The following DICER1 variants were observed in gnomAD, a reference collection of about 807,000 sequenced individuals.
DICER1 encodes endoribonuclease Dicer.
A neutral mutation model predicts 194.1 loss-of-function variants in DICER1; 43 were observed. The ratio of observed to expected loss-of-function variants is 0.22; its 90% CI spans 0.17 to 0.29. The LOEUF (loss-of-function observed/expected upper bound fraction) is 0.29. Among genes scored for constraint, DICER1 ranks in the 10% least tolerant of loss-of-function variants. The probability of loss-of-function intolerance (pLI) is 1.00; values close to 1 mark genes in which losing one functional copy is unlikely to be tolerated. For missense variants in DICER1, 1,608 were observed against 2,317.0 expected, an observed-to-expected ratio of 0.69 and a Z score of 6.28; for synonymous variants, 832 against 820.5, an observed-to-expected ratio of 1.01 and a Z score of -0.24.
At chr14:95,131,686 A>T in intron 3 of DICER1, 47 bp from the exon 4 acceptor site, 2 of 1,574,968 alleles carry the variant, frequency 1.3e-6, no homozygotes, top group Non-Finnish European at 1.7e-6. Context: ...AATCTTGCCT[A>T]GTTGGCTCTC....
intron 7 of DICER1, among the ~76,000 whole-genome samples, chr14:95,125,773 G>A (rs1171688805): frequency 1.1e-5 from 1 of 93,176 alleles, no homozygotes; most frequent in African/African-American, 4.3e-5. Flanking sequence ...GGAGGGGAGG[G>A]GGAGGGAGGG....
intron 1 of DICER1, among the ~76,000 whole-genome samples, chr14:95,147,641 G>C (rs917635780): frequency 4.6e-5 from 7 of 152,172 alleles, no homozygotes; most frequent in African/African-American, 1.7e-4. Context: ...TTCTGCAGCG[G>C]ACACCAGCTG....
rs748693590 is a variant in DICER1 at position 95,090,454 on chromosome 14, ATT to A, written c.*42_*43del. Reference sequence around the variant, plus strand: ...TCCGATTTAAATAATTTTCCCCTTAATTTTTTTTGTTTTGTTTCTTGTTTTGA... The same window carrying A: ...TCCGATTTAAATAATTTTCCCCTTAATTTTTTGTTTTGTTTCTTGTTTTGA... On this transcript the variant is annotated 3_prime_UTR_variant, in exon 27 of 27. Coordinates refer to ENST00000343455, the MANE Select transcript of DICER1 (RefSeq NM_177438.3). 2 of 1,601,154 alleles carry A rather than the reference ATT, an allele frequency of 1.2e-6. No homozygotes were observed. The highest frequency in any genetic ancestry group is 4.5e-5 in the East Asian group (2 of 44,804).
At chr14:95,146,249 G>A (rs145382027) in intron 1 of DICER1, among the ~76,000 whole-genome samples, 108 of 152,322 alleles carry the variant, frequency 7.1e-4, no homozygotes, top group African/African-American at 2.5e-3. Context: ...TCCAGGGACC[G>A]GATTGAGAAC....
intron 7 of DICER1, among the ~76,000 whole-genome samples, chr14:95,125,184 G>A (rs1293918221): frequency 1.3e-5 from 2 of 152,082 alleles, no homozygotes; most frequent in African/African-American, 4.8e-5. Context: ...TAAAAACACT[G>A]CACAGCTGTC....
At chr14:95,110,018 T>C (rs1351319314) in intron 14 of DICER1, among the ~76,000 whole-genome samples, 1 of 152,250 alleles carries the variant, frequency 6.6e-6, no homozygotes, top group Admixed American at 6.5e-5. Context: ...CCTCACTTAA[T>C]GTCTTCGGCA....
chr14:95,103,716 T>A lies in DICER1; in HGVS notation c.3680A>T (p.Asn1227Ile). Reference sequence around the variant, plus strand: ...ACATTCATCGCTGGGCTGGGGCTGGTTCTCGTAACTGTATAAATTCTGAAT... The same window carrying A: ...ACATTCATCGCTGGGCTGGGGCTGGATCTCGTAACTGTATAAATTCTGAAT... ...YSIQNLYSYE[N>I]QPQPSDECTL... Residue 1227 changes from asparagine to isoleucine, a missense_variant, in exon 21 of 27, where the codon AAC (asparagine) becomes ATC (isoleucine). Coordinates refer to ENST00000343455, the MANE Select transcript of DICER1 (RefSeq NM_177438.3). The A allele has an allele frequency of 6.2e-7, 1 of 1,614,212 alleles. No individual in the cohort carries two copies. Among genetic ancestry groups the A allele is most frequent in the Non-Finnish European group, 8.5e-7 (1 of 1,180,030 alleles).
intron 14 of DICER1, among the ~76,000 whole-genome samples, chr14:95,110,870 T>C (rs1443893545): frequency 1.3e-5 from 2 of 152,154 alleles, no homozygotes; most frequent in African/African-American, 4.8e-5. Flanking sequence ...ACATAACTCC[T>C]GACAGATATT....
At chr14:95,148,710 A>T (rs1895305582) in intron 1 of DICER1, among the ~76,000 whole-genome samples, 1 of 152,248 alleles carries the variant, frequency 6.6e-6, no homozygotes, top group South Asian at 2.1e-4. Context: ...AAGTGTCTCC[A>T]GGCTGCAAGC....
intron 14 of DICER1, 26 bp from the exon 15 acceptor site, chr14:95,108,529 G>C: frequency 6.2e-7 from 1 of 1,605,452 alleles, no homozygotes; most frequent in Non-Finnish European, 8.5e-7. Flanking sequence ...AAAATTAAGC[G>C]TCATGCTCAA....
intron 20 of DICER1, 122 bp from the exon 21 acceptor site, chr14:95,104,248 T>C (rs1423157482): frequency 6.1e-6 from 5 of 817,682 alleles, no homozygotes; most frequent in Admixed American, 5.4e-5. Context: ...AACTTTAGAA[T>C]AGAAGCAAGT....
At chr14:95,143,728 A>T (rs865918200) in intron 1 of DICER1, among the ~76,000 whole-genome samples, 2 of 152,162 alleles carry the variant, frequency 1.3e-5, no homozygotes, top group Non-Finnish European at 1.5e-5. Flanking sequence ...TTTAATGTTC[A>T]TTCAATAATA....
At chr14:95,102,682 A>ACTT (rs55819369) in intron 21 of DICER1, among the ~76,000 whole-genome samples, 25,985 of 151,986 alleles carry the variant, frequency 0.17, 2,986 homozygotes, top group East Asian at 0.39. Context: ...GCCTTGTGAG[A>ACTT]CTTTTTTCCA....
chr14:95,102,034 T>TA (rs1253207059), intron 21 of DICER1, among the ~76,000 whole-genome samples: 1 of 152,142 alleles, frequency 6.6e-6, no homozygotes, highest in Non-Finnish European at 1.5e-5. Flanking sequence ...ATGGGGAAAA[T>TA]AAAAGTTTCT....
In DICER1 at chr14:95,115,774, G is replaced by A. The variant is rs199995391; in HGVS notation, c.1800C>T (p.Asp600=). The A allele has an allele frequency of 1.2e-5, 20 of 1,613,978 alleles. No individual in the cohort carries two copies. The highest frequency in any genetic ancestry group is 1.7e-5 in the Non-Finnish European group (20 of 1,180,004). Residue 600 remains aspartate (D), a synonymous_variant, in exon 11 of 27, where the codon GAC becomes GAT. Transcript: ENST00000343455. ...CATCATCATCCATGACAGGATCAAT[G>A]TCAGTCTCACCAGTATCAACCGACT... is the stretch of plus-strand genomic sequence containing the variant. ...CSKSVDTGET[D]IDPVMDDDDV... is the part of the protein sequence containing the mutation.
chr14:95,128,452 G>A (rs183632297), intron 6 of DICER1, among the ~76,000 whole-genome samples: 19 of 152,250 alleles, frequency 1.2e-4, no homozygotes, highest in African/African-American at 4.1e-4. Context: ...GACACAGCAC[G>A]TTCTAGAGGT....
chr14:95,157,077 G>C (rs1462558735), intron 1 of DICER1, among the ~76,000 whole-genome samples, 153 bp downstream of exon 1: 1 of 151,234 alleles, frequency 6.6e-6, no homozygotes, highest in African/African-American at 2.4e-5. Context: ...GACGAGGCAG[G>C]CGAGGCCGCG....
chr14:95,106,416 C>T (rs1891433742), intron 17 of DICER1, among the ~76,000 whole-genome samples, 193 bp from the exon 18 acceptor site: 1 of 151,562 alleles, frequency 6.6e-6, no homozygotes, highest in African/African-American at 2.4e-5. Context: ...AAAATGGACA[C>T]ATTATTGTCC....
At chr14:95,140,260 A>G (rs1217814170) in intron 1 of DICER1, among the ~76,000 whole-genome samples, 1 of 152,146 alleles carries the variant, frequency 6.6e-6, no homozygotes, top group Non-Finnish European at 1.5e-5. Context: ...GCACCCAATA[A>G]CAATGTTTTA....
Sources: gnomAD v4.1 joint callset for allele counts (sites outside exome capture counted in the v4.1 genomes callset) on GRCh38, gnomAD v4.1.1 for gene constraint, MANE v1.5 for transcripts, NCBI Gene and HGNC (gene_info 2026-07-23, HGNC 2026-07-21) for gene names.